STAG2: variants seen among roughly 807,000 people sequenced by gnomAD.
The protein encoded by STAG2 is cohesin subunit SA-2.
Under a neutral mutation model 108.1 loss-of-function variants are expected in STAG2, and 14 were observed. The observed-to-expected ratio is 0.13, with a 90% CI of 0.09 to 0.20. STAG2 has a LOEUF of 0.20. STAG2 is among the 10% of genes least tolerant of loss of function. The pLI, the probability that STAG2 is intolerant of heterozygous loss-of-function variation, is 1.00. For missense variants in STAG2, 440 were observed against 940.9 expected (o/e 0.47, Z 6.96); for synonymous variants, 307 against 302.7 (o/e 1.01, Z -0.15).
At chrX:124,060,142 T>G (rs764201278) in intron 15 of STAG2, among the ~76,000 whole-genome samples, 106 of 112,085 alleles carry the variant, frequency 9.5e-4, no homozygotes, top group Non-Finnish European at 1.7e-3. Flanking sequence ...TTGTTGTTGT[T>G]TTTTGATACA....
At chrX:124,076,244 A>T in intron 25 of STAG2, 88 bp from the exon 26 acceptor site, 1 of 897,885 alleles carries the variant, frequency 1.1e-6, no homozygotes, top group Non-Finnish European at 1.6e-6. Context: ...AAATTCTCTT[A>T]TAAAAGCATG....
intron 5 of STAG2, among the ~76,000 whole-genome samples, chrX:124,037,106 G>A (rs2057542569): frequency 1.8e-5 from 2 of 110,796 alleles, no homozygotes; most frequent in Admixed American, 1.9e-4. Flanking sequence ...GGCTGGTCTC[G>A]AACTCCTAAC....
intron 34 of STAG2, 38 bp downstream of exon 34, chrX:124,095,487 C>G: frequency 9.4e-7 from 1 of 1,067,364 alleles, no homozygotes; most frequent in Non-Finnish European, 1.3e-6. Flanking sequence ...ATTGCAAAAT[C>G]AGAAGTATAG....
chrX:124,086,141 G>A (rs1224814073), intron 29 of STAG2, among the ~76,000 whole-genome samples: 1 of 42,491 alleles, frequency 2.4e-5, no homozygotes, highest in Non-Finnish European at 4.9e-5. Flanking sequence ...TGTAAGAATA[G>A]TTAAGGAACC....
At chrX:124,033,687 T>C (rs1482097565) in intron 5 of STAG2, among the ~76,000 whole-genome samples, 3 of 111,496 alleles carry the variant, frequency 2.7e-5, no homozygotes, top group Non-Finnish European at 3.8e-5. Flanking sequence ...ACTTGAACCC[T>C]GGAGGCGTAG....
At chrX:123,974,378 A>G (rs2054518205) in intron 1 of STAG2, among the ~76,000 whole-genome samples, 2 of 106,297 alleles carry the variant, frequency 1.9e-5, no homozygotes, top group Admixed American at 2.0e-4. Context: ...GATTACAGGC[A>G]CCCGCCACCA....
Position 123,962,854 on chromosome X carries a change from T to A in STAG2, c.-163+998T>A, listed in dbSNP as rs759352562. On this transcript the variant is annotated intron_variant, in intron 1 of 34. Coordinates refer to ENST00000371145, the MANE Select transcript of STAG2 (RefSeq NM_001042750.2). Reference sequence around the variant, plus strand: ...GAGTGTAAATTCCATACCCCTTTTCTCCCACGGACCGCCGTATTTCGCAGC... The same window carrying A: ...GAGTGTAAATTCCATACCCCTTTTCACCCACGGACCGCCGTATTTCGCAGC... 1.8e-4 allele frequency among the ~76,000 whole-genome samples: 20 copies of A among 110,596 alleles called. No individual in the cohort carries two copies. In the East Asian group the frequency reaches 5.4e-3, roughly 30 times the overall value.
At chrX:124,067,783 A>G (rs1271311278) in intron 23 of STAG2, among the ~76,000 whole-genome samples, 6 of 111,647 alleles carry the variant, frequency 5.4e-5, no homozygotes, top group Admixed American at 1.9e-4. Flanking sequence ...TGTACTCCCA[A>G]TGCTTTGGGA....
intron 1 of STAG2, among the ~76,000 whole-genome samples, chrX:123,968,652 C>A (rs1427022725): frequency 8.9e-6 from 1 of 111,908 alleles, no homozygotes; most frequent in Non-Finnish European, 1.9e-5. Context: ...AAGAGTAAGA[C>A]CCTATCTCAA....
intron 3 of STAG2, among the ~76,000 whole-genome samples, 183 bp downstream of exon 3, chrX:124,022,854 T>C (rs981546070): frequency 2.7e-5 from 3 of 112,407 alleles, no homozygotes; most frequent in Admixed American, 9.5e-5. Flanking sequence ...TTCTGTACTT[T>C]TTTGTTGTTG....
chrX:124,030,989 C>G lies in STAG2; in HGVS notation c.152C>G (p.Ala51Gly). ...TGTAAAAAAGGCAAAAAGGGCCCAG[C>G]AGAAAAGGGCAAAGGTGGAAATGGA... ...KTCKKGKKGPAEKGKGGNGGG... is the reference protein window; with the variant it reads ...KTCKKGKKGPGEKGKGGNGGG... Residue 51 changes from alanine to glycine, a missense_variant, in exon 5 of 35, where the codon GCA (alanine) becomes GGA (glycine). Around this residue, in one of 3 missense-constraint regions of STAG2, gnomAD observed 34 missense variants for 36.7 expected, o/e 0.93. Coordinates refer to ENST00000371145, the MANE Select transcript of STAG2 (RefSeq NM_001042750.2). 5 of 1,201,874 alleles carry G rather than the reference C, an allele frequency of 4.2e-6. No individual in the cohort carries two copies. Among genetic ancestry groups the G allele is most frequent in the Non-Finnish European group, 4.5e-6 (4 of 892,212 alleles).
chrX:124,084,354 A>T (rs143785861), intron 29 of STAG2, among the ~76,000 whole-genome samples: 1,500 of 107,636 alleles, frequency 0.014, 31 homozygotes, highest in African/African-American at 0.048. Flanking sequence ...TTTTTTTTGA[A>T]ATGAAGTTAG....
chrX:124,000,508 A>G (rs1277368684), intron 1 of STAG2, among the ~76,000 whole-genome samples: 4 of 110,082 alleles, frequency 3.6e-5, no homozygotes, highest in Non-Finnish European at 7.6e-5. Flanking sequence ...CATCTTTACA[A>G]GAAAAATACC....
intron 1 of STAG2, among the ~76,000 whole-genome samples, chrX:124,013,535 C>T (rs1031343923): frequency 9.0e-6 from 1 of 111,625 alleles, no homozygotes; most frequent in African/African-American, 3.3e-5. Context: ...TAGGATAGAG[C>T]CAGATAATGT....
chrX:123,960,657 G>A (rs1475905796), upstream of STAG2: 1 of 42,348 alleles, frequency 2.4e-5, no homozygotes, highest in Non-Finnish European at 4.1e-5. Flanking sequence ...AAAAAACCCC[G>A]CCGGATCCGA....
intron 1 of STAG2, among the ~76,000 whole-genome samples, chrX:123,983,457 T>G (rs113847950): frequency 7.2e-5 from 8 of 110,642 alleles, no homozygotes; most frequent in African/African-American, 2.6e-4. Flanking sequence ...GTAAATAGAG[T>G]ATGAGAGAAT....
intron 24 of STAG2, among the ~76,000 whole-genome samples, chrX:124,069,034 G>A (rs751120201): frequency 1.9e-4 from 21 of 111,748 alleles, no homozygotes; most frequent in African/African-American, 6.8e-4. Context: ...ATCTCTGAGA[G>A]TATCAGATGT....
chrX:124,059,914 G>T (rs1427545680), intron 15 of STAG2, among the ~76,000 whole-genome samples: 1 of 111,226 alleles, frequency 9.0e-6, no homozygotes, highest in Non-Finnish European at 1.9e-5. Context: ...CTCCCTCCTT[G>T]GCCTCCCAAA....
chrX:123,960,612 A>AAAG (rs2053803081), upstream of STAG2: 1 of 93,442 alleles, frequency 1.1e-5, no homozygotes, highest in African/African-American at 4.0e-5. Flanking sequence ...CAAAAAAAAA[A>AAAG]AAAAAAAAAA....
Sources: allele counts gnomAD v4.1 joint callset (sites outside exome capture counted in the v4.1 genomes callset), GRCh38; gene constraint gnomAD v4.1.1; regional missense constraint gnomAD v4.1.1; transcripts MANE v1.5; gene names NCBI Gene and HGNC (gene_info 2026-07-23, HGNC 2026-07-21).